The following ABI1 variants were observed in gnomAD, a reference collection of about 807,000 sequenced individuals.
The protein encoded by ABI1 is Abelson interactor 1.
A neutral mutation model predicts 54.6 loss-of-function variants in ABI1; 14 were observed. The ratio of observed to expected loss-of-function variants is 0.26; its 90% confidence interval spans 0.17 to 0.40. The LOEUF is 0.40. Among genes scored for constraint, ABI1 ranks in the 10% least tolerant of loss-of-function variants. The pLI, the probability that ABI1 is intolerant of heterozygous loss-of-function variation, is 1.00. For missense variants in ABI1, 443 were observed against 598.3 expected, an observed-to-expected ratio of 0.74 and a Z score of 2.71; for synonymous variants, 194 against 209.3, an observed-to-expected ratio of 0.93 and a Z score of 0.63.
At chr10:26,789,743 G>A (rs1462501948) in intron 2 of ABI1, among the ~76,000 whole-genome samples, 1 of 152,142 alleles carries the variant, frequency 6.6e-6, no homozygotes, top group East Asian at 1.9e-4. Flanking sequence ...ATTAAGCCTA[G>A]TATCCATTAG....
intron 6 of ABI1, among the ~76,000 whole-genome samples, chr10:26,766,382 T>C (rs1204093250): frequency 2.0e-5 from 3 of 152,208 alleles, no homozygotes; most frequent in African/African-American, 7.2e-5. Context: ...AAAACATATA[T>C]TTGTGCACAT....
At chr10:26,800,864 G>C (rs1025760136) in intron 2 of ABI1, among the ~76,000 whole-genome samples, 1 of 152,218 alleles carries the variant, frequency 6.6e-6, no homozygotes, top group Non-Finnish European at 1.5e-5. Flanking sequence ...AAATTAGCCA[G>C]ACATGGTGGC....
At chr10:26,768,231 T>A (rs2132700214) in intron 6 of ABI1, among the ~76,000 whole-genome samples, 1 of 152,012 alleles carries the variant, frequency 6.6e-6, no homozygotes, top group African/African-American at 2.4e-5. Context: ...TTGCCTTGAA[T>A]TTTTTTAAAA....
chr10:26,823,333 C>G, intron 1 of ABI1, 28 bp from the exon 2 acceptor site: 1 of 1,459,294 alleles, frequency 6.9e-7, no homozygotes, highest in Middle Eastern at 1.8e-4. Flanking sequence ...ACAACAAATA[C>G]TTATTTAGAT....
At chr10:26,836,562 G>C (rs1293293190) in intron 1 of ABI1, among the ~76,000 whole-genome samples, 4 of 152,180 alleles carry the variant, frequency 2.6e-5, no homozygotes, top group Non-Finnish European at 5.9e-5. Context: ...AGTGATTTAT[G>C]TTTTCATCCT....
At chr10:26,859,622 C>T (rs896503731) in intron 1 of ABI1, among the ~76,000 whole-genome samples, 1 of 152,208 alleles carries the variant, frequency 6.6e-6, no homozygotes, top group Non-Finnish European at 1.5e-5. Flanking sequence ...CAATTCACTT[C>T]CAATCATCCA....
At chr10:26,791,669 A>G (rs1843485458) in intron 2 of ABI1, among the ~76,000 whole-genome samples, 1 of 152,170 alleles carries the variant, frequency 6.6e-6, no homozygotes, top group South Asian at 2.1e-4. Flanking sequence ...AAATAAATGG[A>G]CCAATACAAC....
intron 9 of ABI1, among the ~76,000 whole-genome samples, 189 bp from the exon 10 acceptor site, chr10:26,751,972 A>G (rs1288071625): frequency 6.6e-6 from 1 of 152,176 alleles, no homozygotes; most frequent in Non-Finnish European, 1.5e-5. Flanking sequence ...TAACAAAATG[A>G]GCTAAAAATA....
intron 3 of ABI1, among the ~76,000 whole-genome samples, chr10:26,773,212 A>ATTTTTTTTTTTTTTTTTTTT (rs1342694391): frequency 3.2e-5 from 2 of 63,350 alleles, no homozygotes; most frequent in Admixed American, 1.7e-4. Flanking sequence ...TCTAATGCTA[A>ATTTTTTTTTTTTTTTTTTTT]TTCTTTTTTT....
At chr10:26,812,666 T>A (rs1323368797) in intron 2 of ABI1, among the ~76,000 whole-genome samples, 1 of 152,174 alleles carries the variant, frequency 6.6e-6, no homozygotes, top group East Asian at 1.9e-4. Flanking sequence ...AAGTCCAAGA[T>A]CAACATGTTA....
Position 26,830,786 on chromosome 10 carries a change from T to C in ABI1, c.118-7481A>G, listed in dbSNP as rs117452852. On this transcript the variant is annotated intron_variant, in intron 1 of 10. Transcript: ENST00000376140. ...TTAATTTTAAATATTCTAGTAGGTA[T>C]ATAGTGGTATCTCATTATGGTTTTA... 1.2e-3 allele frequency among the ~76,000 whole-genome samples: 178 copies of C among 152,348 alleles called. 1 individual carries two copies. The East Asian group carries it at 0.018, about 16-fold the overall frequency.
chr10:26,816,272 A>C (rs1432617534), intron 2 of ABI1, among the ~76,000 whole-genome samples: 1 of 152,244 alleles, frequency 6.6e-6, no homozygotes, highest in Non-Finnish European at 1.5e-5. Context: ...ATTGAATGTA[A>C]ATGGGATTAA....
intron 3 of ABI1, among the ~76,000 whole-genome samples, chr10:26,774,961 T>TA (rs1841200770): frequency 6.6e-6 from 1 of 152,072 alleles, no homozygotes; most frequent in African/African-American, 2.4e-5. Context: ...AAAGGATTCT[T>TA]ACAAGTCAGT....
At chr10:26,778,843 C>T (rs1841754916) in intron 2 of ABI1, among the ~76,000 whole-genome samples, 1 of 152,110 alleles carries the variant, frequency 6.6e-6, no homozygotes, top group Non-Finnish European at 1.5e-5. Flanking sequence ...AGGTTTTCTG[C>T]CCATTATAAA....
At chr10:26,791,085 A>C (rs1843381047) in intron 2 of ABI1, among the ~76,000 whole-genome samples, 3 of 151,758 alleles carry the variant, frequency 2.0e-5, no homozygotes, top group South Asian at 2.1e-4. Context: ...AAAAAAAAAA[A>C]AAAAAACAGA....
chr10:26,774,776 T>C (rs1240679380), intron 3 of ABI1, among the ~76,000 whole-genome samples: 1 of 151,978 alleles, frequency 6.6e-6, no homozygotes, highest in African/African-American at 2.4e-5. Context: ...AGTATGGCAA[T>C]CGTAAGCATG....
At chr10:26,754,315 A>G (rs1004110498) in intron 9 of ABI1, among the ~76,000 whole-genome samples, 1 of 152,156 alleles carries the variant, frequency 6.6e-6, no homozygotes, top group Admixed American at 6.5e-5. Context: ...ACACCTGGCT[A>G]ATTTTTTATT....
intron 1 of ABI1, among the ~76,000 whole-genome samples, chr10:26,858,485 C>A (rs1252324634): frequency 7.1e-6 from 1 of 140,246 alleles, no homozygotes; most frequent in African/African-American, 2.7e-5. Context: ...GAACAAAACA[C>A]CTCACTGGTG....
Position 26,768,902 on chromosome 10 carries a change from C to G in ABI1, c.669G>C (p.Gln223His). The change falls in exon 6 of 11, where the codon CAG becomes CAC. Residue 223 changes from glutamine to histidine, a missense_variant. By Grantham distance (24) the Gln-to-His change is conservative. This residue lies in a region of ABI1 where 394 missense variants were observed against 484.8 expected (regional missense o/e 0.81). Coordinates refer to ENST00000376140, the MANE Select transcript of ABI1 (RefSeq NM_001012750.3). The stretch of plus-strand genomic sequence containing the variant: ...AAGATGCTGTCCTGCCTGGACTATG[C>G]TGACTTCCAAGCCTAGCAGGACTGG... ...YMTSPARLGS[Q>H]HSPGRTASLN... 6.2e-7 allele frequency: 1 copy of G among 1,613,746 alleles called. No homozygotes were observed. Among genetic ancestry groups the G allele is most frequent in the Non-Finnish European group, 8.5e-7 (1 of 1,179,726 alleles).
Sources: allele counts gnomAD v4.1 joint callset (sites outside exome capture counted in the v4.1 genomes callset), GRCh38; gene constraint gnomAD v4.1.1; regional missense constraint gnomAD v4.1.1; transcripts MANE v1.5; gene names NCBI Gene and HGNC (gene_info 2026-07-23, HGNC 2026-07-21).